IL1RAP: variants seen among roughly 807,000 people sequenced by gnomAD.
IL1RAP encodes interleukin 1 receptor accessory protein, also known as interleukin-1 receptor accessory protein.
Under a neutral mutation model 60.7 loss-of-function variants are expected in IL1RAP, and 35 were observed. The observed-to-expected ratio is 0.58, with a 90% CI of 0.44 to 0.76. IL1RAP has a LOEUF of 0.76. IL1RAP is among the 30% of genes least tolerant of loss of function. The pLI is 0.00. For synonymous variants in IL1RAP, 268 were observed against 250.9 expected (o/e 1.07, Z -0.64); for missense variants, 572 against 693.9 (o/e 0.82, Z 1.97).
At chr3:190,624,353 G>T (rs938125781) in intron 7 of IL1RAP, among the ~76,000 whole-genome samples, 2 of 152,214 alleles carry the variant, frequency 1.3e-5, no homozygotes, top group Admixed American at 1.3e-4. Context: ...CCTCCTCACA[G>T]AAATATTATT....
intron 9 of IL1RAP, among the ~76,000 whole-genome samples, chr3:190,636,226 G>T (rs1266280509): frequency 6.6e-6 from 1 of 152,168 alleles, no homozygotes; most frequent in Non-Finnish European, 1.5e-5. Context: ...AAGAAAATTG[G>T]TGTCAGTGTT....
intron 1 of IL1RAP, among the ~76,000 whole-genome samples, chr3:190,519,273 A>G (rs774217657): frequency 6.6e-6 from 1 of 152,056 alleles, no homozygotes; most frequent in African/African-American, 2.4e-5. Context: ...AAAAGAAAAT[A>G]CTCTTATTGT....
intron 3 of IL1RAP, among the ~76,000 whole-genome samples, chr3:190,572,489 A>G (rs3773974): frequency 0.077 from 11,735 of 152,050 alleles, 524 homozygotes; most frequent in Middle Eastern, 0.2. Flanking sequence ...TAGTAGGAAA[A>G]AGAGAGAGAG....
intron 3 of IL1RAP, among the ~76,000 whole-genome samples, chr3:190,588,862 C>G (rs1227558752): frequency 1.3e-5 from 2 of 152,120 alleles, no homozygotes; most frequent in African/African-American, 4.8e-5. Context: ...AAAAATTTAA[C>G]CCCTGACATA....
At chr3:190,603,240 A>C (rs1422419656) in intron 3 of IL1RAP, among the ~76,000 whole-genome samples, 1 of 152,198 alleles carries the variant, frequency 6.6e-6, no homozygotes, top group Admixed American at 6.5e-5. Flanking sequence ...AGACTTTTCA[A>C]GTGATCGTTA....
chr3:190,524,506 G>C (rs1053612110), intron 1 of IL1RAP, among the ~76,000 whole-genome samples: 2 of 152,048 alleles, frequency 1.3e-5, no homozygotes, highest in Admixed American at 6.6e-5. Context: ...TAATTTTTAC[G>C]TATGATGTAA....
intron 3 of IL1RAP, among the ~76,000 whole-genome samples, chr3:190,567,030 T>C (rs1194425227): frequency 6.6e-6 from 1 of 152,232 alleles, no homozygotes; most frequent in African/African-American, 2.4e-5. Context: ...AAGACATTTA[T>C]TTTGTTCTGA....
intron 1 of IL1RAP, among the ~76,000 whole-genome samples, chr3:190,531,483 C>T (rs1398890740): frequency 6.7e-6 from 1 of 149,650 alleles, no homozygotes; most frequent in Non-Finnish European, 1.5e-5. Flanking sequence ...TGAGTGGATA[C>T]CTTAACACCC....
At chr3:190,587,225 G>GT (rs531603773) in intron 3 of IL1RAP, among the ~76,000 whole-genome samples, 68 of 152,200 alleles carry the variant, frequency 4.5e-4, no homozygotes, top group Non-Finnish European at 9.0e-4. Context: ...ACTCTAGAGA[G>GT]TGACAGATCT....
intron 7 of IL1RAP, chr3:190,624,997 C>T (rs191836639): frequency 3.6e-4 from 58 of 161,974 alleles, no homozygotes; most frequent in South Asian, 1.2e-3. Flanking sequence ...GCGGGGTCCT[C>T]GTGTGCTCGC....
At chr3:190,598,294 C>T (rs1186126930) in intron 3 of IL1RAP, among the ~76,000 whole-genome samples, 1 of 152,206 alleles carries the variant, frequency 6.6e-6, no homozygotes, top group South Asian at 2.1e-4. Flanking sequence ...ATTGCAGACT[C>T]CATTTGCTAT....
At chr3:190,608,779 A>G (rs1730572517) in intron 4 of IL1RAP, among the ~76,000 whole-genome samples, 1 of 151,984 alleles carries the variant, frequency 6.6e-6, no homozygotes. Flanking sequence ...ATACTTTAGT[A>G]CATTAATAGT....
At chr3:190,601,858 C>G (rs1420058110) in intron 3 of IL1RAP, among the ~76,000 whole-genome samples, 1 of 152,074 alleles carries the variant, frequency 6.6e-6, no homozygotes, top group Non-Finnish European at 1.5e-5. Context: ...TCTGTGGTCT[C>G]TTATTTATTA....
At chr3:190,545,485 A>T (rs539346152) in intron 1 of IL1RAP, among the ~76,000 whole-genome samples, 2 of 152,230 alleles carry the variant, frequency 1.3e-5, no homozygotes, top group African/African-American at 4.8e-5. Flanking sequence ...GGAGACAGCT[A>T]CAGATCAATG....
At chr3:190,629,937 A>T in intron 9 of IL1RAP, 1 of 937,590 alleles carries the variant, frequency 1.1e-6, no homozygotes, top group Non-Finnish European at 1.3e-6. Flanking sequence ...AGACTTTCGG[A>T]ATTTTTCCTG....
At chr3:190,570,343 A>G (rs1039410958) in intron 3 of IL1RAP, among the ~76,000 whole-genome samples, 3 of 152,228 alleles carry the variant, frequency 2.0e-5, no homozygotes, top group African/African-American at 7.2e-5. Context: ...GAGAAAATAA[A>G]TAAAATAATC....
intron 3 of IL1RAP, among the ~76,000 whole-genome samples, chr3:190,583,440 G>A (rs1728177052): frequency 6.6e-6 from 1 of 152,208 alleles, no homozygotes; most frequent in African/African-American, 2.4e-5. Context: ...TGTAGTTACT[G>A]ATCTCTGTTT....
chr3:190,576,286 G>A (rs552764736), intron 3 of IL1RAP, among the ~76,000 whole-genome samples: 2 of 152,200 alleles, frequency 1.3e-5, no homozygotes, highest in Middle Eastern at 6.8e-3. Flanking sequence ...AATTAGTATA[G>A]CACAGAATAT....
At chr3:190,637,611 AG>A (rs1460287203) in intron 9 of IL1RAP, among the ~76,000 whole-genome samples, 1 of 152,112 alleles carries the variant, frequency 6.6e-6, no homozygotes, top group Non-Finnish European at 1.5e-5. Context: ...TTTCTTTTCT[AG>A]GTAAAATTTG....
Sources: allele counts gnomAD v4.1 joint callset (sites outside exome capture counted in the v4.1 genomes callset), GRCh38; gene constraint gnomAD v4.1.1; transcripts MANE v1.5; gene names NCBI Gene and HGNC (gene_info 2026-07-23, HGNC 2026-07-21).